TRPA1: variants seen among roughly 807,000 people sequenced by gnomAD.
TRPA1 encodes the protein transient receptor potential cation channel subfamily A member 1.
Under a neutral mutation model 131.3 loss-of-function variants are expected in TRPA1, and 129 were observed. That is an observed-to-expected ratio of 0.98 (90% CI 0.85 to 1.14). The LOEUF (loss-of-function observed/expected upper bound fraction) is 1.14, where lower values mean the gene tolerates loss of function less well. Among genes scored for constraint, TRPA1 ranks in the 50% most tolerant of loss-of-function variants. The pLI, the probability that TRPA1 is intolerant of heterozygous loss-of-function variation, is 0.00. For synonymous variants in TRPA1, 441 were observed against 451.7 expected (o/e 0.98, Z 0.30); for missense variants, 1,304 against 1,354.2 (o/e 0.96, Z 0.58).
chr8:72,063,846 T>C (rs555614678), intron 4 of TRPA1, among the ~76,000 whole-genome samples: 4 of 152,300 alleles, frequency 2.6e-5, no homozygotes, highest in Admixed American at 2.0e-4. Context: ...CATTTTTCAA[T>C]GGGATTAATG....
In TRPA1 at chr8:72,062,797, A is replaced by T; in HGVS notation, c.807+2T>A. 1 of 1,613,822 alleles carries T rather than the reference A, an allele frequency of 6.2e-7. No homozygotes were observed. ...AGTGTTATATAGAATATGAAGAGTT[A>T]CCTCCACTGGGTCTATTTGTGCACC... On this transcript the variant is annotated splice_donor_variant, in intron 6 of 26. Coordinates refer to ENST00000262209, the MANE Select transcript of TRPA1 (RefSeq NM_007332.3). LOFTEE classifies it high-confidence loss of function.
chr8:72,047,606 T>C (rs1418585693), intron 15 of TRPA1, among the ~76,000 whole-genome samples: 1 of 152,140 alleles, frequency 6.6e-6, no homozygotes, highest in Non-Finnish European at 1.5e-5. Context: ...CAAAATGTTT[T>C]GAGCACCCAC....
intron 12 of TRPA1, chr8:72,055,233 CAA>C (rs1399027846): frequency 2.4e-5 from 14 of 574,220 alleles, no homozygotes; most frequent in Non-Finnish European, 3.4e-5. Context: ...CTATAAACTT[CAA>C]AGTCTTTGTC....
At chr8:72,058,011 C>T (rs1176756553) in intron 8 of TRPA1, among the ~76,000 whole-genome samples, 195 bp from the exon 9 acceptor site, 2 of 152,044 alleles carry the variant, frequency 1.3e-5, no homozygotes, top group Non-Finnish European at 2.9e-5. Context: ...TCAAGAAATT[C>T]GTTTATAATT....
At chr8:72,069,977 C>A (rs1806021677) in intron 2 of TRPA1, among the ~76,000 whole-genome samples, 1 of 152,164 alleles carries the variant, frequency 6.6e-6, no homozygotes, top group Non-Finnish European at 1.5e-5. Context: ...AGAATTTGAG[C>A]TTAAGCCCCT....
chr8:72,027,168 A>G (rs905847464), intron 24 of TRPA1, among the ~76,000 whole-genome samples: 5 of 152,170 alleles, frequency 3.3e-5, no homozygotes, highest in Non-Finnish European at 5.9e-5. Flanking sequence ...TAGAGGTCAC[A>G]TACTATTTCC....
chr8:72,027,081 T>C (rs1271909380), intron 24 of TRPA1, among the ~76,000 whole-genome samples: 1 of 152,200 alleles, frequency 6.6e-6, no homozygotes, highest in East Asian at 1.9e-4. Flanking sequence ...TGATTTTCTA[T>C]AATAATTTCT....
the TRPA1 span, among the ~76,000 whole-genome samples, chr8:72,089,927 T>C: frequency 1.3e-5 from 2 of 152,086 alleles, no homozygotes; most frequent in Non-Finnish European, 2.9e-5. Context: ...TTACAAGATA[T>C]TGAAGAAAAG....
At chr8:72,039,279 G>A (rs1286644107) in intron 18 of TRPA1, among the ~76,000 whole-genome samples, 1 of 151,980 alleles carries the variant, frequency 6.6e-6, no homozygotes, top group African/African-American at 2.4e-5. Flanking sequence ...TCGGCAATAT[G>A]AGTGCTCTTC....
At chr8:72,058,011 C>G (rs1176756553) in intron 8 of TRPA1, among the ~76,000 whole-genome samples, 195 bp from the exon 9 acceptor site, 1 of 152,044 alleles carries the variant, frequency 6.6e-6, no homozygotes. Flanking sequence ...TCAAGAAATT[C>G]GTTTATAATT....
Position 72,039,726 on chromosome 8 carries a change from C to T in TRPA1, c.2132+1G>A, listed in dbSNP as rs1259974610. The T allele has an allele frequency of 5.7e-6, 9 of 1,590,590 alleles. No homozygotes were observed. The highest frequency in any genetic ancestry group is 7.8e-6 in the Non-Finnish European group (9 of 1,159,448). ...AACAAGAAATACTACTCAATACCCA[C>T]CATTTCATGAGTAAATATTCTTTAC... On this transcript the variant is annotated splice_donor_variant, in intron 18 of 26. Coordinates refer to ENST00000262209, the MANE Select transcript of TRPA1 (RefSeq NM_007332.3). LOFTEE classifies it high-confidence loss of function.
chr8:72,083,551 A>G, the TRPA1 span, among the ~76,000 whole-genome samples: 5,679 of 151,132 alleles, frequency 0.038, 372 homozygotes, highest in African/African-American at 0.13. Flanking sequence ...TGGCTAACAT[A>G]GTGAAACCCC....
Position 72,022,393 on chromosome 8 carries a change from C to A in TRPA1, c.*513G>T. 1 of 239,282 alleles carries A rather than the reference C, an allele frequency of 4.2e-6. No individual in the cohort carries two copies. Among genetic ancestry groups the A allele is most frequent in the South Asian group, 5.6e-5 (1 of 18,000 alleles). 14.8% of individuals were successfully genotyped at this position (239,282 alleles called of 1,614,324 possible). A position where few individuals can be genotyped will look rare whatever the true frequency, so the allele number is the denominator to read the frequency against. On this transcript the variant is annotated 3_prime_UTR_variant, in exon 27 of 27. Transcript: ENST00000262209. ...TTCATCACAGTAGGGACAGAAAAGT[C>A]CACATGGTGCCACCCATAGGTTCTT... is the stretch of plus-strand genomic sequence containing the variant.
chr8:72,044,204 T>TG (rs1304157791), intron 17 of TRPA1, among the ~76,000 whole-genome samples: 2 of 149,994 alleles, frequency 1.3e-5, no homozygotes, highest in African/African-American at 2.5e-5. Flanking sequence ...TAGCTATTCT[T>TG]GGGAAAAAAA....
chr8:72,060,187 G>T (rs1351224310), intron 7 of TRPA1, among the ~76,000 whole-genome samples: 4 of 151,264 alleles, frequency 2.6e-5, no homozygotes, highest in African/African-American at 9.7e-5. Flanking sequence ...TAACATTAAG[G>T]CCCCATTTTC....
At chr8:72,055,021 T>C (rs1292853190) in intron 12 of TRPA1, 2 of 159,334 alleles carry the variant, frequency 1.3e-5, no homozygotes, top group African/African-American at 4.8e-5. Context: ...GAATGAAAAG[T>C]AGAGTATTTG....
intron 24 of TRPA1, among the ~76,000 whole-genome samples, chr8:72,027,092 A>C (rs1811635817): frequency 6.6e-6 from 1 of 152,110 alleles, no homozygotes; most frequent in Non-Finnish European, 1.5e-5. Context: ...AATAATTTCT[A>C]GGGTTCCTTT....
chr8:72,084,647 A>T, the TRPA1 span, among the ~76,000 whole-genome samples: 28 of 104,972 alleles, frequency 2.7e-4, no homozygotes, highest in African/African-American at 4.1e-4. Flanking sequence ...TAAAATGATA[A>T]TTTTTTTTTT....
At chr8:72,089,500 T>C in the TRPA1 span, among the ~76,000 whole-genome samples, 1 of 152,220 alleles carries the variant, frequency 6.6e-6, no homozygotes, top group Middle Eastern at 3.4e-3. Flanking sequence ...ATAAAAATAT[T>C]TTATTGTATT....
Sources: gnomAD v4.1 joint callset for allele counts (sites outside exome capture counted in the v4.1 genomes callset) on GRCh38, gnomAD v4.1.1 for gene constraint, MANE v1.5 for transcripts, NCBI Gene and HGNC (gene_info 2026-07-23, HGNC 2026-07-21) for gene names.